Variants in ARHGEF3 observed in about 807,000 individuals in gnomAD.
ARHGEF3 encodes the protein Rho guanine nucleotide exchange factor 3, also known as 59.8 kDA protein.
A neutral mutation model predicts 63.2 loss-of-function variants in ARHGEF3; 28 were observed. That is an observed-to-expected ratio of 0.44 (90% CI 0.33 to 0.61). The LOEUF is 0.61. Among genes scored for constraint, ARHGEF3 ranks in the 20% least tolerant of loss-of-function variants. The pLI is 0.03. For missense variants in ARHGEF3, 533 were observed against 659.3 expected (o/e 0.81, Z 2.10); for synonymous variants, 266 against 254.2 (o/e 1.05, Z -0.44).
chr3:56,824,658 A>G (rs13062174), intron 4 of ARHGEF3, among the ~76,000 whole-genome samples: 77,677 of 152,082 alleles, frequency 0.51, 20,256 homozygotes, highest in Non-Finnish European at 0.55. Flanking sequence ...GATTATTGGC[A>G]ATTATTAAGT....
chr3:56,859,408 G>A (rs1226559264), intron 4 of ARHGEF3, among the ~76,000 whole-genome samples: 1 of 151,874 alleles, frequency 6.6e-6, no homozygotes. Context: ...CAAAGTGCTG[G>A]GATCACAGGC....
chr3:57,070,388 A>T (rs1705818792), intron 1 of ARHGEF3, among the ~76,000 whole-genome samples: 1 of 152,224 alleles, frequency 6.6e-6, no homozygotes. Context: ...AAAAGGAAAG[A>T]GACATTTACA....
chr3:56,787,168 C>T (rs2036858595), intron 1 of ARHGEF3, among the ~76,000 whole-genome samples: 1 of 152,042 alleles, frequency 6.6e-6, no homozygotes, highest in African/African-American at 2.4e-5. Flanking sequence ...CAAGCACTGC[C>T]AGGTTGGGAA....
intron 2 of ARHGEF3, among the ~76,000 whole-genome samples, chr3:57,033,156 G>A (rs1324968751): frequency 1.3e-5 from 2 of 152,212 alleles, no homozygotes; most frequent in Non-Finnish European, 2.9e-5. Flanking sequence ...GTGCCCAGGT[G>A]ATAAGCAGTG....
intron 4 of ARHGEF3, among the ~76,000 whole-genome samples, chr3:56,820,200 C>T (rs2038428200): frequency 6.6e-6 from 1 of 152,132 alleles, no homozygotes; most frequent in African/African-American, 2.4e-5. Context: ...TATACTACTG[C>T]CAGGGGAGGC....
At position 56,745,324 on chromosome 3, in the gene ARHGEF3, C is replaced by A; in HGVS notation, c.751G>T (p.Asp251Tyr). ...GGAATATCGAGGAAATTCCAGAGAT[C>A]TAGTTTGCGGCTAAAGGGGGATTCT... ...CLESPFSRKL[D>Y]LWNFLDIPRS... The change falls in exon 7 of 10, where the codon GAT becomes TAT. Residue 251 changes from aspartate to tyrosine, a missense_variant. Asp to Tyr is a radical substitution (Grantham distance 160, BLOSUM62 -3). Transcript: ENST00000296315. 6.2e-7 allele frequency: 1 copy of A among 1,613,998 alleles called. No individual in the cohort carries two copies. The highest frequency in any genetic ancestry group is 8.5e-7 in the Non-Finnish European group (1 of 1,180,024).
At chr3:56,967,936 A>T (rs1480764399) in intron 2 of ARHGEF3, among the ~76,000 whole-genome samples, 3 of 66,326 alleles carry the variant, frequency 4.5e-5, no homozygotes, top group African/African-American at 1.2e-4. Context: ...TATAATATAA[A>T]ATATATTATA....
At chr3:56,746,679 G>A (rs879897180) in intron 6 of ARHGEF3, among the ~76,000 whole-genome samples, 6 of 151,872 alleles carry the variant, frequency 4.0e-5, no homozygotes, top group African/African-American at 7.3e-5. Context: ...GCAGTGAGCC[G>A]AGATCATGCC....
intron 1 of ARHGEF3, among the ~76,000 whole-genome samples, chr3:56,796,353 T>C (rs1289952307): frequency 1.3e-5 from 2 of 152,100 alleles, no homozygotes; most frequent in African/African-American, 2.4e-5. Flanking sequence ...GGCCTTCCAG[T>C]GATTGGTTTA....
At chr3:56,968,190 TATA>T (rs1700708392) in intron 2 of ARHGEF3, among the ~76,000 whole-genome samples, 2 of 13,764 alleles carry the variant, frequency 1.5e-4, no homozygotes, top group Non-Finnish European at 3.8e-4. Context: ...AAATATATAT[TATA>T]TATAATATAT....
intron 2 of ARHGEF3, among the ~76,000 whole-genome samples, chr3:57,012,903 C>T (rs938236138): frequency 9.2e-5 from 14 of 152,170 alleles, no homozygotes; most frequent in Non-Finnish European, 1.2e-4. Context: ...GGGCAGGAAC[C>T]GGGGCTGCGC....
At chr3:56,906,026 G>A (rs1339395701) in intron 3 of ARHGEF3, among the ~76,000 whole-genome samples, 4 of 151,964 alleles carry the variant, frequency 2.6e-5, no homozygotes, top group Non-Finnish European at 5.9e-5. Context: ...CACCACGCCT[G>A]GCTAATTTTT....
At chr3:57,019,444 G>A (rs2107154195) in intron 2 of ARHGEF3, among the ~76,000 whole-genome samples, 1 of 152,220 alleles carries the variant, frequency 6.6e-6, no homozygotes, top group Non-Finnish European at 1.5e-5. Flanking sequence ...GAGGAGGGGA[G>A]GGAAAGAAAG....
At chr3:56,902,215 T>G (rs552029601) in intron 3 of ARHGEF3, among the ~76,000 whole-genome samples, 2 of 152,358 alleles carry the variant, frequency 1.3e-5, no homozygotes, top group Non-Finnish European at 2.9e-5. Flanking sequence ...TGCATGTGTC[T>G]GTGAATGACT....
At chr3:56,990,962 G>A (rs1701724908) in intron 2 of ARHGEF3, among the ~76,000 whole-genome samples, 1 of 152,118 alleles carries the variant, frequency 6.6e-6, no homozygotes, top group South Asian at 2.1e-4. Flanking sequence ...GCACACTGTG[G>A]GTGAAGCCAC....
intron 3 of ARHGEF3, among the ~76,000 whole-genome samples, chr3:56,948,226 A>G (rs1414995720): frequency 6.6e-6 from 1 of 152,232 alleles, no homozygotes; most frequent in African/African-American, 2.4e-5. Context: ...GAACTAGAGA[A>G]GCAAGAGCAA....
intron 3 of ARHGEF3, among the ~76,000 whole-genome samples, chr3:56,934,488 G>T (rs902387038): frequency 1.3e-5 from 2 of 151,660 alleles, no homozygotes; most frequent in African/African-American, 4.9e-5. Flanking sequence ...GTGGGAACTG[G>T]GGCTGCGTGC....
intron 3 of ARHGEF3, chr3:56,916,312 C>G: frequency 6.5e-7 from 1 of 1,535,288 alleles, no homozygotes; most frequent in Non-Finnish European, 8.7e-7. Context: ...GGCTTACCTG[C>G]GAACGGACAA....
chr3:56,816,108 T>C (rs1206338965), intron 4 of ARHGEF3, among the ~76,000 whole-genome samples: 2 of 152,066 alleles, frequency 1.3e-5, no homozygotes, highest in African/African-American at 4.8e-5. Context: ...CTAACTACTT[T>C]AGAAGCTGAG....
Sources: gnomAD v4.1 joint callset for allele counts (sites outside exome capture counted in the v4.1 genomes callset) on GRCh38, gnomAD v4.1.1 for gene constraint, MANE v1.5 for transcripts, NCBI Gene and HGNC (gene_info 2026-07-23, HGNC 2026-07-21) for gene names.